The following RASSF3 variants were observed in gnomAD, a reference collection of about 807,000 sequenced individuals.
RASSF3 encodes ras association domain-containing protein 3.
A neutral mutation model predicts 19.9 loss-of-function variants in RASSF3; 19 were observed. That is an observed-to-expected ratio of 0.96 (90% confidence interval 0.67 to 1.40). The LOEUF (loss-of-function observed/expected upper bound fraction) is 1.40, where lower values mean the gene tolerates loss of function less well. Ranked by LOEUF, RASSF3 falls within the 40% of genes most tolerant of loss-of-function variation. The pLI, the probability that RASSF3 is intolerant of heterozygous loss-of-function variation, is 0.00. For missense variants in RASSF3, 306 were observed against 289.8 expected, an observed-to-expected ratio of 1.06 and a Z score of -0.41; for synonymous variants, 110 against 104.2, an observed-to-expected ratio of 1.06 and a Z score of -0.34.
chr12:64,510,965 A>G (rs1453784473), intron 1 of RASSF3, among the ~76,000 whole-genome samples: 1 of 152,190 alleles, frequency 6.6e-6, no homozygotes, highest in Non-Finnish European at 1.5e-5. Context: ...TGCTACTGAG[A>G]GCTGTGTGAC....
chr12:64,688,205 C>A lies in RASSF3; in HGVS notation c.220-11C>A. 6.2e-7 allele frequency: 1 copy of A among 1,601,154 alleles called. No homozygotes were observed. The highest frequency in any genetic ancestry group is 1.3e-5 in the African/African-American group (1 of 74,744). ...CACCCAGCTAAGTGTGTGCTTCTCT[C>A]CCTGCTTCAGAATTCAAATGGGATT... On this transcript the variant is annotated splice_polypyrimidine_tract_variant and intron_variant, in intron 2 of 4. Transcript: ENST00000542104.
In RASSF3 at chr12:64,551,610, C is replaced by G. The variant is rs150614141; in HGVS notation, c.294+9905C>G. 3.0e-4 allele frequency among the ~76,000 whole-genome samples: 45 copies of G among 152,244 alleles called. No homozygotes were observed. In the East Asian group the frequency reaches 8.3e-3, roughly 28 times the overall value. On this transcript the variant is annotated intron_variant, in intron 2 of 5. Transcript: ENST00000637125. Reference sequence around the variant, plus strand: ...ATGCATGTAGTAAATGTAATCATGTCTACTACTTAGCATTGCTGTGGAGAT... The same window carrying G: ...ATGCATGTAGTAAATGTAATCATGTGTACTACTTAGCATTGCTGTGGAGAT...
intron 1 of RASSF3, among the ~76,000 whole-genome samples, chr12:64,535,327 AC>A (rs1868801390): frequency 6.6e-6 from 1 of 151,732 alleles, no homozygotes; most frequent in African/African-American, 2.4e-5. Context: ...AAAAAAAAAA[AC>A]AAAATAAACA....
At chr12:64,641,810 TC>T (rs1422409008) in intron 1 of RASSF3, among the ~76,000 whole-genome samples, 1 of 150,980 alleles carries the variant, frequency 6.6e-6, no homozygotes, top group Non-Finnish European at 1.5e-5. Flanking sequence ...TAGTGTGATC[TC>T]GGCTCACTGC....
At chr12:64,654,573 G>C (rs2136193240) in intron 1 of RASSF3, among the ~76,000 whole-genome samples, 1 of 149,540 alleles carries the variant, frequency 6.7e-6, no homozygotes. Context: ...GGGAGGCTGA[G>C]GTGGGTGGAT....
chr12:64,654,852 C>T (rs1364345239), intron 1 of RASSF3: 3 of 151,844 alleles, frequency 2.0e-5, no homozygotes, highest in South Asian at 2.1e-4. Flanking sequence ...GTTGACGGAA[C>T]GAGACTCTGT....
chr12:64,520,555 CATATATATAT>C (rs66975333), intron 1 of RASSF3, among the ~76,000 whole-genome samples: 99 of 86,368 alleles, frequency 1.1e-3, no homozygotes, highest in East Asian at 1.8e-3. Context: ...CACATACACA[CATATATATAT>C]ATATATATAT....
At chr12:64,524,020 A>T (rs1027332375) in intron 1 of RASSF3, among the ~76,000 whole-genome samples, 20 of 145,812 alleles carry the variant, frequency 1.4e-4, no homozygotes, top group Admixed American at 4.8e-4. Context: ...TCCCACCCAG[A>T]CTGCCATCAC....
rs1189109309 is a variant in RASSF3 at position 64,642,896 on chromosome 12, C to G, written c.111+32153C>G. Among the ~76,000 whole-genome samples, 6 of 148,634 alleles carry G rather than the reference C, an allele frequency of 4.0e-5. No individual in the cohort carries two copies. The East Asian group carries it at 1.2e-3, about 29-fold the overall frequency. ...TTTTTTTTTTCTTGAGATGGAGTCT[C>G]ACTCTGTTGCCCAAGCTGGAATGCA... On this transcript the variant is annotated intron_variant, in intron 1 of 4. Transcript: ENST00000542104.
At chr12:64,650,520 A>G (rs1871911715) in intron 1 of RASSF3, among the ~76,000 whole-genome samples, 1 of 136,568 alleles carries the variant, frequency 7.3e-6, no homozygotes, top group South Asian at 2.3e-4. Flanking sequence ...GGTTCACGGG[A>G]TTCTTCTGCC....
rs538915213 is a variant in RASSF3 at position 64,657,226 on chromosome 12, G to C, written c.112-27561G>C. On this transcript the variant is annotated intron_variant, in intron 1 of 4. Coordinates refer to ENST00000542104, the MANE Select transcript of RASSF3 (RefSeq NM_178169.4). The stretch of plus-strand genomic sequence containing the variant: ...GGGGTTTCGCCACGTGGGCCAGGAT[G>C]GTCTCGAACTCCTGACCTCAAGTGA... Among the ~76,000 whole-genome samples the C allele has an allele frequency of 3.8e-4, 58 of 152,114 alleles. No homozygotes were observed. The South Asian group carries it at 0.012, about 32-fold the overall frequency.
chr12:64,693,868 T>C (rs1868319399), intron 4 of RASSF3, among the ~76,000 whole-genome samples: 1 of 152,202 alleles, frequency 6.6e-6, no homozygotes, highest in African/African-American at 2.4e-5. Flanking sequence ...GCAGGTGAGA[T>C]AGATATTAAG....
intron 3 of RASSF3, 150 bp downstream of exon 3, chr12:64,688,603 A>G (rs1281494557): frequency 1.4e-6 from 1 of 693,038 alleles, no homozygotes; most frequent in Non-Finnish European, 2.6e-6. Flanking sequence ...CTTAGCATGC[A>G]CTTAGTGCTT....
At chr12:64,688,027 C>G (rs1873424300) in intron 2 of RASSF3, among the ~76,000 whole-genome samples, 189 bp from the exon 3 acceptor site, 1 of 152,212 alleles carries the variant, frequency 6.6e-6, no homozygotes, top group Admixed American at 6.5e-5. Flanking sequence ...CCTCTGGAAG[C>G]ACTTTGCCTG....
chr12:64,604,739 G>T (rs1870156979), intron 2 of RASSF3, among the ~76,000 whole-genome samples: 1 of 151,510 alleles, frequency 6.6e-6, no homozygotes, highest in South Asian at 2.1e-4. Context: ...CCGGGTTCAC[G>T]TCATTCTCCT....
upstream of RASSF3, among the ~76,000 whole-genome samples, chr12:64,607,493 C>T (rs1221723341): frequency 4.0e-5 from 6 of 151,700 alleles, no homozygotes; most frequent in Non-Finnish European, 8.8e-5. Flanking sequence ...CCTCAGCCTC[C>T]CGAATAGCTG....
intron 1 of RASSF3, among the ~76,000 whole-genome samples, chr12:64,520,042 TG>T (rs1337327020): frequency 6.6e-6 from 1 of 152,102 alleles, no homozygotes; most frequent in African/African-American, 2.4e-5. Context: ...GCTTCCTCCA[TG>T]AAGATTAAGT....
intron 1 of RASSF3, chr12:64,622,507 GGC>G (rs1405019643): frequency 5.7e-6 from 3 of 530,698 alleles, no homozygotes; most frequent in Non-Finnish European, 1.2e-5. Flanking sequence ...GAAAGGAATC[GGC>G]ATTGGCATCT....
intron 1 of RASSF3, among the ~76,000 whole-genome samples, chr12:64,513,049 G>A (rs1224875333): frequency 4.6e-5 from 7 of 152,082 alleles, no homozygotes; most frequent in Non-Finnish European, 5.9e-5. Context: ...AAGCTCTCCC[G>A]AAGCAAATTA....
Sources: gnomAD v4.1 joint callset for allele counts (sites outside exome capture counted in the v4.1 genomes callset) on GRCh38, gnomAD v4.1.1 for gene constraint, MANE v1.5 for transcripts, NCBI Gene and HGNC (gene_info 2026-07-23, HGNC 2026-07-21) for gene names.